The following BMP8B variants were observed in gnomAD, a reference collection of about 807,000 sequenced individuals.
BMP8B encodes the protein bone morphogenetic protein 8 (osteogenic protein 2).
Under a neutral mutation model 30.3 loss-of-function variants are expected in BMP8B, and 17 were observed. The ratio of observed to expected loss-of-function variants is 0.56; its 90% confidence interval spans 0.38 to 0.84. The LOEUF (loss-of-function observed/expected upper bound fraction) is 0.84, where lower values mean the gene tolerates loss of function less well. BMP8B is among the 40% of genes least tolerant of loss of function. The probability of loss-of-function intolerance (pLI) is 0.00; values close to 1 mark genes in which losing one functional copy is unlikely to be tolerated. For missense variants in BMP8B, 253 were observed against 494.6 expected, an observed-to-expected ratio of 0.51 and a Z score of 4.63; for synonymous variants, 131 against 214.7, an observed-to-expected ratio of 0.61 and a Z score of 3.41.
At chr1:39,761,353 C>G (rs1157506178) in intron 6 of BMP8B, 1 of 152,710 alleles carries the variant, frequency 6.5e-6, no homozygotes, top group Admixed American at 6.5e-5. Flanking sequence ...CCTGCCCCGT[C>G]CAGCTGCCAT....
At chr1:39,775,132 C>T (rs1035443032) in intron 1 of BMP8B, 94 bp from the exon 2 acceptor site, 2 of 1,568,908 alleles carry the variant, frequency 1.3e-6, no homozygotes, top group Non-Finnish European at 1.7e-6. Context: ...AGCCACCCAC[C>T]ACTCAAGGTG....
Position 39,788,026 on chromosome 1 carries a change from C to T in BMP8B, c.334+126G>A. On this transcript the variant is annotated intron_variant, in intron 1 of 6. Transcript: ENST00000372827. This position sits in a 1 kb window ranked among gnomAD's most constrained non-coding sequence, Gnocchi z 5.8. ...TTCCCTAACCACGGCGGTCCCACTC[C>T]CCTGTGGTTCGCGTCCACCGTCTGT... 7.5e-7 allele frequency: 1 copy of T among 1,342,088 alleles called. No individual in the cohort carries two copies. The highest frequency in any genetic ancestry group is 9.6e-7 in the Non-Finnish European group (1 of 1,046,340). The allele number at this position is 1,342,088 out of a possible 1,614,324, so 83.1% of individuals were successfully genotyped here. A position where few individuals can be genotyped will look rare whatever the true frequency, so the allele number is the denominator to read the frequency against.
At chr1:39,771,309 G>C (rs369406165) in intron 3 of BMP8B, 26 of 1,424,396 alleles carry the variant, frequency 1.8e-5, no homozygotes, top group Middle Eastern at 2.6e-4. Flanking sequence ...CGTGCGCCTC[G>C]GGCCGCGCGT....
intron 6 of BMP8B, among the ~76,000 whole-genome samples, chr1:39,760,852 A>G (rs1332438490): frequency 6.6e-6 from 1 of 152,168 alleles, no homozygotes; most frequent in Non-Finnish European, 1.5e-5. Context: ...CCAAGGGCTC[A>G]GACTTCCTCC....
At position 39,759,951 on chromosome 1, in the gene BMP8B, A is replaced by G. The variant is rs960918079; in HGVS notation, c.*468T>C. On this transcript the variant is annotated 3_prime_UTR_variant, in exon 7 of 7. Transcript: ENST00000372827. ...TTATACCCCACCTTGCACCTCGGGC[A>G]GGCAATGGGGAGCCAACCAGACCCT... 17 of 174,000 alleles carry G rather than the reference A, an allele frequency of 9.8e-5. No homozygotes were observed. Among genetic ancestry groups the G allele is most frequent in the Non-Finnish European group, 3.7e-5 (3 of 81,494 alleles). The allele number at this position is 174,000 out of a possible 1,614,324, so 10.8% of individuals were successfully genotyped here. A position where few individuals can be genotyped will look rare whatever the true frequency, so the allele number is the denominator to read the frequency against.
At chr1:39,768,774 T>A (rs1342405490) in intron 3 of BMP8B, among the ~76,000 whole-genome samples, 1 of 150,022 alleles carries the variant, frequency 6.7e-6, no homozygotes, top group East Asian at 2.0e-4. Flanking sequence ...GACATGAGAA[T>A]TGCTTGAACC....
chr1:39,783,694 G>A (rs1650805643), intron 1 of BMP8B, among the ~76,000 whole-genome samples: 1 of 152,198 alleles, frequency 6.6e-6, no homozygotes, highest in Non-Finnish European at 1.5e-5. Context: ...GATCAGATGA[G>A]GCCAGGAGTT....
rs1023272903 is a variant in BMP8B, at chr1:39,762,826, A to G, written c.1059+266T>C. ...GCACACAGGTGCGTAAGTGTCCCAC[A>G]GGAGTTTGTTCGGTGCATAGAACAG... On this transcript the variant is annotated intron_variant, in intron 6 of 6. Coordinates refer to ENST00000372827, the MANE Select transcript of BMP8B (RefSeq NM_001720.5). Among the ~76,000 whole-genome samples the G allele has an allele frequency of 1.6e-4, 24 of 152,368 alleles. No individual in the cohort carries two copies. In the South Asian group the frequency reaches 3.7e-3, roughly 24 times the overall value.
Position 39,788,118 on chromosome 1 carries a change from CTCCGAGGG to C in BMP8B, c.334+26_334+33del, listed in dbSNP as rs1651123597. On this transcript the variant is annotated intron_variant, in intron 1 of 6. Coordinates refer to ENST00000372827, the MANE Select transcript of BMP8B (RefSeq NM_001720.5). This position sits in a 1 kb window ranked among gnomAD's most constrained non-coding sequence, Gnocchi z 5.8. ...GCGCCCCTCCCCTGCAGCCAGCTTA[CTCCGAGGG>C]TCCCCGCGCGGGCGGCCGCACTCAC... 1 of 1,530,760 alleles carries C rather than the reference CTCCGAGGG, an allele frequency of 6.5e-7. No homozygotes were observed. Among genetic ancestry groups the C allele is most frequent in the South Asian group, 1.2e-5 (1 of 84,172 alleles). 94.8% of individuals were successfully genotyped at this position (1,530,760 alleles called of 1,614,324 possible).
chr1:39,769,495 G>A, intron 3 of BMP8B: 1 of 637,672 alleles, frequency 1.6e-6, no homozygotes, highest in Non-Finnish European at 2.4e-6. Context: ...GCGCCTTGCA[G>A]TGCTCGAGAA....
rs1231358642 is a variant in BMP8B at position 39,760,420 on chromosome 1, CAG to C, written c.1206_1207del (p.His402GlnfsTer123). On this transcript the variant is annotated frameshift_variant and stop_lost, in exon 7 of 7. Coordinates refer to ENST00000372827, the MANE Select transcript of BMP8B (RefSeq NM_001720.5). LOFTEE classifies it high-confidence loss of function. ...TGCAGCTGGGCCGGGCGGGTGGACT[CAG>C]TGGCAGCCGCAGGCCTTGACCACCA... is the stretch of plus-strand genomic sequence containing the variant. 1.9e-6 allele frequency: 3 copies of C among 1,613,536 alleles called. No homozygotes were observed. Among genetic ancestry groups the C allele is most frequent in the African/African-American group, 1.3e-5 (1 of 74,934 alleles).
intron 1 of BMP8B, among the ~76,000 whole-genome samples, chr1:39,782,474 T>C (rs1170635151): frequency 1.3e-5 from 2 of 151,496 alleles, no homozygotes; most frequent in Non-Finnish European, 2.9e-5. Context: ...TTTTTGTTTT[T>C]GTTTTTTTTT....
At position 39,757,842 on chromosome 1, in the gene BMP8B, C is replaced by T. The variant is rs1429325910; in HGVS notation, c.*2577G>A. ...GTTCATTCACAATTGTTTCATTGCT[C>T]AAGGGATTTTTCTATTTTATTTCAT... On this transcript the variant is annotated 3_prime_UTR_variant, in exon 7 of 7. Coordinates refer to ENST00000372827, the MANE Select transcript of BMP8B (RefSeq NM_001720.5). 2 of 152,210 alleles carry T rather than the reference C, an allele frequency of 1.3e-5. No homozygotes were observed. The highest frequency in any genetic ancestry group is 2.9e-5 in the Non-Finnish European group (2 of 68,044). 9.4% of individuals were successfully genotyped at this position (152,210 alleles called of 1,614,324 possible). A position where few individuals can be genotyped will look rare whatever the true frequency, so the allele number is the denominator to read the frequency against.
chr1:39,760,681 A>C (rs1199391386), intron 6 of BMP8B, 113 bp from the exon 7 acceptor site: 1 of 1,325,614 alleles, frequency 7.5e-7, no homozygotes, highest in Non-Finnish European at 1.0e-6. Context: ...TCCAGGCCAC[A>C]TGGGAGCAGC....
In BMP8B at chr1:39,760,453, C is replaced by T. The variant is rs141647099; in HGVS notation, c.1175G>A (p.Arg392His). 76 of 1,613,972 alleles carry T rather than the reference C, an allele frequency of 4.7e-5. No homozygotes were observed. Among genetic ancestry groups the T allele is most frequent in the African/African-American group, 1.1e-4 (8 of 74,936 alleles). ...GCCGCAGGCCTTGACCACCATGTTG[C>T]GGTGCTTGCGCAGGATGACATTGTT... ...SSNNVILRKH[R>H]NMVVKACGCH The change falls in exon 7 of 7, where the codon CGC becomes CAC. Residue 392 changes from arginine (R) to histidine (H), a missense_variant. Physicochemically the swap from Arg to His is conservative, Grantham distance 29. Around this residue, in one of 7 missense-constraint regions of BMP8B, gnomAD observed 116 missense variants for 142.3 expected, o/e 0.81. Coordinates refer to ENST00000372827, the MANE Select transcript of BMP8B (RefSeq NM_001720.5).
intron 6 of BMP8B, among the ~76,000 whole-genome samples, chr1:39,761,870 C>A (rs1014624689): frequency 2.0e-5 from 3 of 152,254 alleles, no homozygotes; most frequent in Non-Finnish European, 4.4e-5. Flanking sequence ...CCGACAGCCT[C>A]CCCTAGAGCG....
chr1:39,775,663 G>A (rs1237733203), intron 1 of BMP8B, among the ~76,000 whole-genome samples: 1 of 152,262 alleles, frequency 6.6e-6, no homozygotes, highest in Non-Finnish European at 1.5e-5. Flanking sequence ...GGCCAGAGCA[G>A]AGGGGTCTGA....
At chr1:39,782,498 G>A (rs1243368803) in intron 1 of BMP8B, among the ~76,000 whole-genome samples, 3 of 151,064 alleles carry the variant, frequency 2.0e-5, no homozygotes, top group Admixed American at 6.6e-5. Context: ...ATGGCATTTC[G>A]CTCCTGTTGC....
chr1:39,787,247 C>T (rs1651046969), intron 1 of BMP8B, among the ~76,000 whole-genome samples: 1 of 151,472 alleles, frequency 6.6e-6, no homozygotes, highest in Admixed American at 6.6e-5. Flanking sequence ...GCCAGGGACC[C>T]TCTCCCTCCT....
Sources: gnomAD v4.1 joint callset for allele counts (sites outside exome capture counted in the v4.1 genomes callset) on GRCh38, gnomAD v4.1.1 for gene constraint, gnomAD v4.1.1 regional missense constraint, Gnocchi (gnomAD v3.1) non-coding constraint, MANE v1.5 for transcripts, NCBI Gene and HGNC (gene_info 2026-07-23, HGNC 2026-07-21) for gene names.